EPHB1: variants seen among roughly 807,000 people sequenced by gnomAD.
The protein encoded by EPHB1 is ephrin type-B receptor 1.
A neutral mutation model predicts 94.4 loss-of-function variants in EPHB1; 30 were observed. The ratio of observed to expected loss-of-function variants is 0.32; its 90% confidence interval spans 0.24 to 0.43. The LOEUF (loss-of-function observed/expected upper bound fraction) is 0.43, where lower values mean the gene tolerates loss of function less well. EPHB1 is among the 20% of genes least tolerant of loss of function. The probability of loss-of-function intolerance (pLI) is 1.00; values close to 1 mark genes in which losing one functional copy is unlikely to be tolerated. For synonymous variants in EPHB1, 522 were observed against 489.1 expected, an observed-to-expected ratio of 1.07 and a Z score of -0.89; for missense variants, 1,055 against 1,308.3, an observed-to-expected ratio of 0.81 and a Z score of 2.99.
At chr3:135,156,286 G>C (rs1941352612) in intron 6 of EPHB1, among the ~76,000 whole-genome samples, 1 of 152,102 alleles carries the variant, frequency 6.6e-6, no homozygotes, top group South Asian at 2.1e-4. Context: ...CCTGGGAGTT[G>C]TCAGTATGTA....
chr3:135,037,318 GCTCCCTGGT>G, intron 3 of EPHB1, among the ~76,000 whole-genome samples: 1 of 152,336 alleles, frequency 6.6e-6, no homozygotes, highest in East Asian at 1.9e-4. Flanking sequence ...TTGATAGAAT[GCTCCCTGGT>G]CTTGGCCTTG....
Position 135,055,133 on chromosome 3 carries a change from A to T in EPHB1, c.806-51315A>T, listed in dbSNP as rs754186227. On this transcript the variant is annotated intron_variant, in intron 3 of 15. Coordinates refer to ENST00000398015, the MANE Select transcript of EPHB1 (RefSeq NM_004441.5). ...CATTTTGATATTAAAAAAATCAAGA[A>T]CCTTATTTTTAATGTCTGCCCATTT... Among the ~76,000 whole-genome samples, 3 of 152,144 alleles carry T rather than the reference A, an allele frequency of 2.0e-5. 1 individual carries two copies. The highest frequency in any genetic ancestry group is 4.4e-5 in the Non-Finnish European group (3 of 68,034).
In EPHB1 at chr3:135,222,464, A is replaced by G. The variant is rs1450467291; in HGVS notation, c.2347-18684A>G. Among the ~76,000 whole-genome samples, 4 of 152,282 alleles carry G rather than the reference A, an allele frequency of 2.6e-5. No homozygotes were observed. The East Asian group carries it at 7.7e-4, about 29-fold the overall frequency. Reference sequence around the variant, plus strand: ...CTAGGATATTTATATTTTGAAGCAAATAGGGGCACGCTTTCTTCCAATTAA... The same window carrying G: ...CTAGGATATTTATATTTTGAAGCAAGTAGGGGCACGCTTTCTTCCAATTAA... On this transcript the variant is annotated intron_variant, in intron 12 of 15. Coordinates refer to ENST00000398015, the MANE Select transcript of EPHB1 (RefSeq NM_004441.5).
intron 1 of EPHB1, among the ~76,000 whole-genome samples, chr3:134,876,900 A>C (rs1326469252): frequency 2.6e-5 from 4 of 152,126 alleles, no homozygotes; most frequent in Non-Finnish European, 5.9e-5. Flanking sequence ...AGAGGTCTGC[A>C]TGCTTCCCAC....
intron 12 of EPHB1, among the ~76,000 whole-genome samples, chr3:135,215,409 T>A (rs1048899545): frequency 2.6e-5 from 4 of 152,162 alleles, no homozygotes; most frequent in Non-Finnish European, 4.4e-5. Context: ...GTAATCCGCC[T>A]GCCTTAGCCT....
intron 1 of EPHB1, among the ~76,000 whole-genome samples, chr3:134,825,563 C>T (rs754599224): frequency 2.6e-5 from 4 of 152,214 alleles, no homozygotes; most frequent in Non-Finnish European, 5.9e-5. Flanking sequence ...CCAGTTTGTA[C>T]TTGCCCTGGC....
chr3:134,884,786 T>C (rs2037829243), intron 1 of EPHB1, among the ~76,000 whole-genome samples: 1 of 152,236 alleles, frequency 6.6e-6, no homozygotes, highest in Non-Finnish European at 1.5e-5. Flanking sequence ...GCTGTGCTGC[T>C]GTGTGTGGGC....
chr3:135,092,678 T>G (rs1938601851), intron 3 of EPHB1, among the ~76,000 whole-genome samples: 1 of 143,892 alleles, frequency 6.9e-6, no homozygotes, highest in African/African-American at 2.6e-5. Context: ...CTGGCTGGAG[T>G]GCAGTGGCAC....
At chr3:134,853,475 C>G (rs1024222234) in intron 1 of EPHB1, among the ~76,000 whole-genome samples, 2 of 152,222 alleles carry the variant, frequency 1.3e-5, no homozygotes, top group African/African-American at 4.8e-5. Context: ...GAGAGAGTTA[C>G]CAAAGATGGC....
intron 1 of EPHB1, among the ~76,000 whole-genome samples, chr3:134,807,864 G>C (rs1423490007): frequency 6.6e-6 from 1 of 152,170 alleles, no homozygotes; most frequent in Non-Finnish European, 1.5e-5. Context: ...TGACAGAGGA[G>C]CTCCCTGACG....
At chr3:134,806,188 TGGATTGGCC>T (rs941918511) in intron 1 of EPHB1, among the ~76,000 whole-genome samples, 2 of 152,238 alleles carry the variant, frequency 1.3e-5, no homozygotes, top group African/African-American at 4.8e-5. Context: ...CCTTTGAATA[TGGATTGGCC>T]TTAGGACTCA....
At chr3:134,968,969 G>T (rs1283612473) in intron 3 of EPHB1, among the ~76,000 whole-genome samples, 1 of 152,222 alleles carries the variant, frequency 6.6e-6, no homozygotes, top group Non-Finnish European at 1.5e-5. Flanking sequence ...GTTGAGGAGA[G>T]TGTGGATTGT....
At chr3:134,884,058 G>A (rs1338704367) in intron 1 of EPHB1, among the ~76,000 whole-genome samples, 2 of 152,212 alleles carry the variant, frequency 1.3e-5, no homozygotes, top group African/African-American at 2.4e-5. Flanking sequence ...AGGTCCATCC[G>A]TGCTAGAGCT....
chr3:134,826,020 T>A (rs2036470855), intron 1 of EPHB1, among the ~76,000 whole-genome samples: 1 of 149,698 alleles, frequency 6.7e-6, no homozygotes, highest in African/African-American at 2.5e-5. Flanking sequence ...GGCAGGTGGA[T>A]CACGAGGTCA....
chr3:134,900,796 G>T (rs565177988), intron 1 of EPHB1, among the ~76,000 whole-genome samples: 10 of 152,118 alleles, frequency 6.6e-5, no homozygotes, highest in Non-Finnish European at 1.2e-4. Flanking sequence ...TTGTGTGTTG[G>T]TACAGGTGGA....
chr3:134,918,513 T>C (rs1263138296), intron 1 of EPHB1, among the ~76,000 whole-genome samples: 1 of 152,232 alleles, frequency 6.6e-6, no homozygotes, highest in African/African-American at 2.4e-5. Context: ...AGCAGCATAG[T>C]AATAATTAGG....
intron 3 of EPHB1, among the ~76,000 whole-genome samples, chr3:134,997,637 A>AT (rs1283466019): frequency 6.6e-6 from 1 of 152,190 alleles, no homozygotes; most frequent in Non-Finnish European, 1.5e-5. Context: ...TGTTTCTGCT[A>AT]TAACGTTTTT....
chr3:134,857,100 C>T (rs986459383), intron 1 of EPHB1, among the ~76,000 whole-genome samples: 1 of 152,146 alleles, frequency 6.6e-6, no homozygotes, highest in Non-Finnish European at 1.5e-5. Flanking sequence ...GGCCTGATGC[C>T]AGAAAACCAG....
At chr3:135,179,445 C>T (rs1185965302) in intron 9 of EPHB1, among the ~76,000 whole-genome samples, 1 of 152,186 alleles carries the variant, frequency 6.6e-6, no homozygotes, top group Non-Finnish European at 1.5e-5. Flanking sequence ...CAGTGGCCTC[C>T]ACTCAGGAAA....
Sources: allele counts gnomAD v4.1 joint callset (sites outside exome capture counted in the v4.1 genomes callset), GRCh38; gene constraint gnomAD v4.1.1; transcripts MANE v1.5; gene names NCBI Gene and HGNC (gene_info 2026-07-23, HGNC 2026-07-21).